FMNL1: variants seen among roughly 807,000 people sequenced by gnomAD.
The protein encoded by FMNL1 is formin like 1.
In FMNL1, 43 loss-of-function variants were observed where a neutral mutation model predicts 121.3. The ratio of observed to expected loss-of-function variants is 0.35; its 90% CI spans 0.28 to 0.46. FMNL1 has a LOEUF of 0.46. Among genes scored for constraint, FMNL1 ranks in the 20% least tolerant of loss-of-function variants. The pLI, the probability that FMNL1 is intolerant of heterozygous loss-of-function variation, is 1.00. For synonymous variants in FMNL1, 613 were observed against 613.5 expected (o/e 1.00, Z 0.01); for missense variants, 1,191 against 1,482.4 (o/e 0.80, Z 3.23).
Position 45,241,144 on chromosome 17 carries a change from CGG to C in FMNL1, c.1248_1249del (p.Asp417ArgfsTer46). The C allele has an allele frequency of 6.2e-7, 1 of 1,613,968 alleles. No homozygotes were observed. Among genetic ancestry groups the C allele is most frequent in the Non-Finnish European group, 8.5e-7 (1 of 1,179,886 alleles). ...EQVALLTERL[R>X]DAENESMAKI... ...GGTGCTACAGCTGACAGAGCGGCTTCGGGACGCGGAGAACGAATCCATGGCCA... is the reference window on the plus strand; with the variant it reads ...GGTGCTACAGCTGACAGAGCGGCTTCGACGCGGAGAACGAATCCATGGCCA... On this transcript the variant is annotated frameshift_variant, in exon 13 of 27. Transcript: ENST00000331495. LOFTEE classifies it high-confidence loss of function. The surrounding 1 kb of genome is among the most constrained non-coding windows in gnomAD (Gnocchi z 7.0).
intron 25 of FMNL1, 65 bp from the exon 26 acceptor site, chr17:45,246,440 C>T (rs1171591310): frequency 2.5e-6 from 4 of 1,612,870 alleles, no homozygotes; most frequent in Non-Finnish European, 3.4e-6. Flanking sequence ...CTTCTTGCTA[C>T]CTTTTCTGTT....
chr17:45,237,431 C>A lies in FMNL1; in HGVS notation c.800+74C>A. 1 of 1,609,310 alleles carries A rather than the reference C, an allele frequency of 6.2e-7. No individual in the cohort carries two copies. The highest frequency in any genetic ancestry group is 1.3e-5 in the African/African-American group (1 of 74,930). On this transcript the variant is annotated intron_variant, in intron 8 of 26. Transcript: ENST00000331495. The surrounding 1 kb of genome is among the most constrained non-coding windows in gnomAD (Gnocchi z 4.4). ...CTTAGCCCCTTGCTTACTCTGTCCT[C>A]CAGGTCTCAGAGGCTCATTCTGCAC...
Position 45,239,043 on chromosome 17 carries a change from T to C in FMNL1, c.1058T>C (p.Leu353Ser). 1 of 1,614,178 alleles carries C rather than the reference T, an allele frequency of 6.2e-7. No individual in the cohort carries two copies. The highest frequency in any genetic ancestry group is 8.5e-7 in the Non-Finnish European group (1 of 1,180,008). ...TTCCTGCAATATGAGTTCACCCACT[T>C]GGGCCTGGACCTGTACTTGGAGGTA... The part of the protein sequence containing the change: ...RVFLQYEFTH[L>S]GLDLYLERLR... Residue 353 changes from leucine (L) to serine (S), a missense_variant, in exon 11 of 27, where the codon TTG becomes TCG. By Grantham distance (145) the Leu-to-Ser change is moderately radical (BLOSUM62 -2). Around this residue, in one of 4 missense-constraint regions of FMNL1, gnomAD observed 519 missense variants for 492.8 expected, o/e 1.05. Coordinates refer to ENST00000331495, the MANE Select transcript of FMNL1 (RefSeq NM_005892.4).
In FMNL1 at chr17:45,245,415, A is replaced by C; in HGVS notation, c.2891A>C (p.Gln964Pro). ...CTGCTGGCAGACAGCAAGACGGCTCAGGTGCGCCAGGGCTGGCCTCACCTG... is the reference window on the plus strand; with the variant it reads ...CTGCTGGCAGACAGCAAGACGGCTCCGGTGCGCCAGGGCTGGCCTCACCTG... ...DKLLADSKTAQEAFESVVEYF... is the reference protein window; with the variant it reads ...DKLLADSKTAPEAFESVVEYF... The change falls in exon 22 of 27, where the codon CAG (glutamine) becomes CCG (proline). Residue 964 changes from glutamine (Q) to proline (P), a missense_variant and splice_region_variant. Around this residue, in one of 4 missense-constraint regions of FMNL1, gnomAD observed 367 missense variants for 528.6 expected, o/e 0.69. Coordinates refer to ENST00000331495, the MANE Select transcript of FMNL1 (RefSeq NM_005892.4). 1.2e-6 allele frequency: 2 copies of C among 1,614,136 alleles called. No homozygotes were observed. The highest frequency in any genetic ancestry group is 1.7e-6 in the Non-Finnish European group (2 of 1,180,014).
In FMNL1 at chr17:45,243,206, C is replaced by G; in HGVS notation, c.2099C>G (p.Ala700Gly). 1 of 1,614,220 alleles carries G rather than the reference C, an allele frequency of 6.2e-7. No homozygotes were observed. Among genetic ancestry groups the G allele is most frequent in the Non-Finnish European group, 8.5e-7 (1 of 1,180,040 alleles). The change falls in exon 17 of 27, where the codon GCC (alanine) becomes GGC (glycine). Residue 700 changes from alanine (A) to glycine (G), a missense_variant. Ala to Gly is a moderately conservative substitution (Grantham distance 60). This residue lies in a region of FMNL1 where 519 missense variants were observed against 492.8 expected (regional missense o/e 1.05). Coordinates refer to ENST00000331495, the MANE Select transcript of FMNL1 (RefSeq NM_005892.4). ...LDLSALKSKAAQKAPSKATLI... is the reference protein window; with the variant it reads ...LDLSALKSKAGQKAPSKATLI... Reference sequence around the variant, plus strand: ...CTCAGCGCTCTCAAGAGTAAGGCAGCCCAGAAGGCCCCCAGCAAGGCGACA... The same window carrying G: ...CTCAGCGCTCTCAAGAGTAAGGCAGGCCAGAAGGCCCCCAGCAAGGCGACA...
At chr17:45,246,799 G>A in intron 26 of FMNL1, 68 bp from the exon 27 acceptor site, 1 of 699,660 alleles carries the variant, frequency 1.4e-6, no homozygotes, top group South Asian at 1.6e-5. Context: ...TAAGCTTTGT[G>A]CCCTGGAGCC....
At chr17:45,225,308 G>A (rs1410606862) in intron 1 of FMNL1, among the ~76,000 whole-genome samples, 1 of 152,216 alleles carries the variant, frequency 6.6e-6, no homozygotes, top group Non-Finnish European at 1.5e-5. Flanking sequence ...TCTGGGGCTG[G>A]CAGTAAAGGG....
At position 45,241,050 on chromosome 17, in the gene FMNL1, G is replaced by T; in HGVS notation, c.1231-79G>T. On this transcript the variant is annotated intron_variant, in intron 12 of 26. Transcript: ENST00000331495. The surrounding 1 kb of genome is among the most constrained non-coding windows in gnomAD (Gnocchi z 7.0). ...GAGCCTCCCCCAGTCTTCCAGGCAG[G>T]CATGCCTGATGCCGCCCCCTCACCG... is the stretch of plus-strand genomic sequence containing the variant. 1 of 1,557,508 alleles carries T rather than the reference G, an allele frequency of 6.4e-7. No individual in the cohort carries two copies. Among genetic ancestry groups the T allele is most frequent in the Non-Finnish European group, 8.8e-7 (1 of 1,137,628 alleles).
Position 45,231,083 on chromosome 17 carries a change from G to C in FMNL1, c.213+396G>C, listed in dbSNP as rs1377197078. On this transcript the variant is annotated intron_variant, in intron 2 of 26. Coordinates refer to ENST00000331495, the MANE Select transcript of FMNL1 (RefSeq NM_005892.4). This position sits in a 1 kb window ranked among gnomAD's most constrained non-coding sequence, Gnocchi z 4.7. The stretch of plus-strand genomic sequence containing the variant: ...ACCCCATGGGAGGGAGGGAGGAAGG[G>C]GCGGGAATTCCTGCCCTTTTGCCTT... Among the ~76,000 whole-genome samples, 1 of 152,152 alleles carries C rather than the reference G, an allele frequency of 6.6e-6. No homozygotes were observed. The highest frequency in any genetic ancestry group is 1.5e-5 in the Non-Finnish European group (1 of 68,008).
chr17:45,244,214 G>C lies in FMNL1; in HGVS notation c.2487G>C (p.Lys829Asn). 6.2e-7 allele frequency: 1 copy of C among 1,613,042 alleles called. No individual in the cohort carries two copies. The highest frequency in any genetic ancestry group is 8.5e-7 in the Non-Finnish European group (1 of 1,179,572). Residue 829 changes from lysine to asparagine, a missense_variant, in exon 19 of 27, where the codon AAG becomes AAC. This residue lies in a region of FMNL1 where 367 missense variants were observed against 528.6 expected (regional missense o/e 0.69). Transcript: ENST00000331495. The part of the protein sequence containing the change: ...NAIIAASMSI[K>N]SSDKLRQILE... ...TCATTGCAGCCTCAATGTCCATCAA[G>C]TCCTCTGACAAACTCCGCCAGATCC...
In FMNL1 at chr17:45,233,408, G is replaced by A. The variant is rs966579814; in HGVS notation, c.401+111G>A. ...CTGCCCCCTGCACAAGGCTGTGCTT[G>A]TGGACCACCTCCTGGAGGTGTCCAG... is the stretch of plus-strand genomic sequence containing the variant. On this transcript the variant is annotated intron_variant, in intron 4 of 26. Transcript: ENST00000331495. The surrounding 1 kb of genome is among the most constrained non-coding windows in gnomAD (Gnocchi z 4.1). 7 of 1,197,910 alleles carry A rather than the reference G, an allele frequency of 5.8e-6. No individual in the cohort carries two copies. The highest frequency in any genetic ancestry group is 8.1e-6 in the Non-Finnish European group (7 of 859,214). 74.2% of individuals were successfully genotyped at this position (1,197,910 alleles called of 1,614,324 possible).
At position 45,233,791 on chromosome 17, in the gene FMNL1, G is replaced by C; in HGVS notation, c.485+60G>C. On this transcript the variant is annotated intron_variant, in intron 5 of 26. Transcript: ENST00000331495. The surrounding 1 kb of genome is among the most constrained non-coding windows in gnomAD (Gnocchi z 4.1). ...TCAGAGCTTTGATCCCCGTCTCCCT[G>C]CATCTCACCCACTCCCCTGGCCAGT... 1.9e-6 allele frequency: 3 copies of C among 1,594,752 alleles called. No individual in the cohort carries two copies. The South Asian group carries it at 3.3e-5, about 18-fold the overall frequency.
Position 45,233,926 on chromosome 17 carries a change from T to C in FMNL1, c.486-146T>C, listed in dbSNP as rs1567961930. The C allele has an allele frequency of 3.7e-6, 5 of 1,365,044 alleles. No individual in the cohort carries two copies. In the South Asian group the frequency reaches 7.2e-5, roughly 20 times the overall value. The allele number at this position is 1,365,044 out of a possible 1,614,324, so 84.6% of individuals were successfully genotyped here. A position where few individuals can be genotyped will look rare whatever the true frequency, so the allele number is the denominator to read the frequency against. ...GGAGGGGTGGCCTCTCTTCCACCAC[T>C]ATGTTCAGCACAGTGCCAAGAACAC... On this transcript the variant is annotated intron_variant, in intron 5 of 26. Coordinates refer to ENST00000331495, the MANE Select transcript of FMNL1 (RefSeq NM_005892.4). This position sits in a 1 kb window ranked among gnomAD's most constrained non-coding sequence, Gnocchi z 4.1.
intron 1 of FMNL1, among the ~76,000 whole-genome samples, chr17:45,229,158 G>A (rs145704567): frequency 2.0e-5 from 3 of 152,200 alleles, no homozygotes; most frequent in Non-Finnish European, 2.9e-5. Flanking sequence ...GCTCACTTTC[G>A]CAATAGGGGA....
chr17:45,246,766 C>G, intron 26 of FMNL1, 101 bp from the exon 27 acceptor site: 1 of 744,950 alleles, frequency 1.3e-6, no homozygotes, highest in Non-Finnish European at 2.3e-6. Flanking sequence ...GCCATGTGCA[C>G]ACAATCTGAG....
At position 45,222,260 on chromosome 17, in the gene FMNL1, G is replaced by C; in HGVS notation, c.129+7G>C. 8.4e-7 allele frequency: 1 copy of C among 1,184,058 alleles called. No individual in the cohort carries two copies. The allele number at this position is 1,184,058 out of a possible 1,614,324, so 73.3% of individuals were successfully genotyped here. On this transcript the variant is annotated splice_region_variant and intron_variant, in intron 1 of 26. Coordinates refer to ENST00000331495, the MANE Select transcript of FMNL1 (RefSeq NM_005892.4). ...GAGGTTCAACCGCGCCCTGGTGAGT[G>C]CGACCCGGAGGCGGGTCGGGCGCGG...
Position 45,247,214 on chromosome 17 carries a change from C to T in FMNL1, c.*356C>T. 1.9e-6 allele frequency: 1 copy of T among 520,440 alleles called. No homozygotes were observed. The highest frequency in any genetic ancestry group is 2.9e-5 in the South Asian group (1 of 33,936). The allele number at this position is 520,440 out of a possible 1,614,324, so 32.2% of individuals were successfully genotyped here. A position where few individuals can be genotyped will look rare whatever the true frequency, so the allele number is the denominator to read the frequency against. On this transcript the variant is annotated 3_prime_UTR_variant, in exon 27 of 27. Coordinates refer to ENST00000331495, the MANE Select transcript of FMNL1 (RefSeq NM_005892.4). ...TAGCCATACTTAGCCTCAGCAGGAG[C>T]CTGGCCTGTAACTTATAAAGTGCAC... is the stretch of plus-strand genomic sequence containing the variant.
Position 45,233,392 on chromosome 17 carries a change from G to A in FMNL1, c.401+95G>A. 3 of 1,324,234 alleles carry A rather than the reference G, an allele frequency of 2.3e-6. No individual in the cohort carries two copies. The highest frequency in any genetic ancestry group is 3.1e-6 in the Non-Finnish European group (3 of 965,544). The allele number at this position is 1,324,234 out of a possible 1,614,324, so 82.0% of individuals were successfully genotyped here. A position where few individuals can be genotyped will look rare whatever the true frequency, so the allele number is the denominator to read the frequency against. On this transcript the variant is annotated intron_variant, in intron 4 of 26. Transcript: ENST00000331495. The surrounding 1 kb of genome is among the most constrained non-coding windows in gnomAD (Gnocchi z 4.1). ...CCCCTTCCTACTCCCCCTGCCCCCT[G>A]CACAAGGCTGTGCTTGTGGACCACC...
chr17:45,228,076 T>C (rs1455827969), intron 1 of FMNL1, among the ~76,000 whole-genome samples: 1 of 152,118 alleles, frequency 6.6e-6, no homozygotes, highest in African/African-American at 2.4e-5. Context: ...GCTGCCTCGC[T>C]GAAGGCCCTG....
Sources: allele counts gnomAD v4.1 joint callset (sites outside exome capture counted in the v4.1 genomes callset), GRCh38; gene constraint gnomAD v4.1.1; regional missense constraint gnomAD v4.1.1; non-coding constraint Gnocchi (gnomAD v3.1); transcripts MANE v1.5; gene names NCBI Gene and HGNC (gene_info 2026-07-23, HGNC 2026-07-21).